ROR2: variants seen among roughly 807,000 people sequenced by gnomAD.
ROR2 encodes the protein ROR family WNT receptor 2.
A neutral mutation model predicts 74.9 loss-of-function variants in ROR2; 33 were observed. The observed-to-expected ratio is 0.44, with a 90% CI of 0.33 to 0.59. ROR2 has a LOEUF of 0.59. Among genes scored for constraint, ROR2 ranks in the 20% least tolerant of loss-of-function variants. The pLI, the probability that ROR2 is intolerant of heterozygous loss-of-function variation, is 0.02. For synonymous variants in ROR2, 586 were observed against 558.7 expected (o/e 1.05, Z -0.69); for missense variants, 1,216 against 1,313.8 (o/e 0.93, Z 1.15).
chr9:91,747,996 C>T (rs747518829), intron 4 of ROR2, among the ~76,000 whole-genome samples: 5 of 152,134 alleles, frequency 3.3e-5, no homozygotes, highest in African/African-American at 1.2e-4. Flanking sequence ...GTCAAGAGAT[C>T]GGTTTTACAA....
chr9:91,864,198 A>C (rs893993739), intron 1 of ROR2, among the ~76,000 whole-genome samples: 1 of 152,198 alleles, frequency 6.6e-6, no homozygotes, highest in African/African-American at 2.4e-5. Flanking sequence ...TCGACAGGAA[A>C]GGCCCCAGGA....
chr9:91,867,438 GTT>G, intron 1 of ROR2, among the ~76,000 whole-genome samples: 1 of 152,248 alleles, frequency 6.6e-6, no homozygotes, highest in Admixed American at 6.5e-5. Context: ...CTCCATTGCT[GTT>G]TTTTCTCTCT....
chr9:91,901,824 T>C (rs1830685036), intron 1 of ROR2, among the ~76,000 whole-genome samples: 1 of 148,074 alleles, frequency 6.8e-6, no homozygotes, highest in Admixed American at 6.7e-5. Flanking sequence ...AAGAGTGCTC[T>C]GAAAAAAAAA....
chr9:91,866,234 C>T (rs951564324), intron 1 of ROR2, among the ~76,000 whole-genome samples: 4 of 151,994 alleles, frequency 2.6e-5, no homozygotes, highest in African/African-American at 4.8e-5. Context: ...ATTCTCCTGC[C>T]TCAGTCTCCT....
chr9:91,926,543 C>CAAAAA (rs34550588), intron 1 of ROR2, among the ~76,000 whole-genome samples: 2 of 101,168 alleles, frequency 2.0e-5, no homozygotes, highest in Non-Finnish European at 4.2e-5. Flanking sequence ...GACTCCATCT[C>CAAAAA]AAAAAAAAAA....
chr9:91,828,620 G>A (rs1283521838), intron 1 of ROR2, among the ~76,000 whole-genome samples: 1 of 152,094 alleles, frequency 6.6e-6, no homozygotes, highest in Admixed American at 6.6e-5. Context: ...AGGCTGAGGA[G>A]GGAGAATCAC....
intron 4 of ROR2, among the ~76,000 whole-genome samples, chr9:91,749,046 A>C (rs1825525029): frequency 6.6e-6 from 1 of 152,168 alleles, no homozygotes; most frequent in African/African-American, 2.4e-5. Context: ...GAAAGAAAAA[A>C]AATAAAAGCA....
intron 4 of ROR2, among the ~76,000 whole-genome samples, chr9:91,741,772 C>G (rs1587675257): frequency 6.6e-6 from 1 of 152,138 alleles, no homozygotes; most frequent in East Asian, 1.9e-4. Context: ...CAGAGCAGAC[C>G]AGCCACATTC....
intron 1 of ROR2, among the ~76,000 whole-genome samples, chr9:91,790,933 T>C (rs1587721766): frequency 1.3e-5 from 2 of 152,344 alleles, no homozygotes; most frequent in East Asian, 3.9e-4. Flanking sequence ...TGTGCATGTG[T>C]TAGTGCTTTA....
At chr9:91,851,655 T>C (rs1049406568) in intron 1 of ROR2, among the ~76,000 whole-genome samples, 3 of 152,098 alleles carry the variant, frequency 2.0e-5, no homozygotes, top group African/African-American at 7.2e-5. Context: ...AGAACAGATA[T>C]CGTTACAATA....
chr9:91,810,748 G>C (rs565861998), intron 1 of ROR2, among the ~76,000 whole-genome samples: 1 of 152,200 alleles, frequency 6.6e-6, no homozygotes, highest in South Asian at 2.1e-4. Context: ...AGGTGTGGCC[G>C]GAACAGGAGG....
chr9:91,775,120 T>C (rs891886157), intron 2 of ROR2, among the ~76,000 whole-genome samples: 2 of 152,176 alleles, frequency 1.3e-5, no homozygotes. Context: ...CTAGGAAGTG[T>C]GTGTGTTGTT....
chr9:91,848,064 GAT>G (rs1221439916), intron 1 of ROR2, among the ~76,000 whole-genome samples: 2 of 152,198 alleles, frequency 1.3e-5, no homozygotes, highest in Non-Finnish European at 2.9e-5. Flanking sequence ...CAAAACCAAG[GAT>G]ACTCGAGTCT....
intron 1 of ROR2, among the ~76,000 whole-genome samples, chr9:91,863,258 T>A (rs1278628455): frequency 6.6e-6 from 1 of 152,202 alleles, no homozygotes; most frequent in Admixed American, 6.5e-5. Context: ...ACTCCTGGCC[T>A]CAAGTGATCC....
At chr9:91,887,263 AG>A (rs1767435684) in intron 1 of ROR2, 1 of 152,264 alleles carries the variant, frequency 6.6e-6, no homozygotes, top group South Asian at 2.1e-4. Flanking sequence ...ATTCCAAAAA[AG>A]TGAATGAACA....
chr9:91,786,158 C>CA (rs35972600), intron 1 of ROR2, among the ~76,000 whole-genome samples: 11,195 of 56,512 alleles, frequency 0.2, 1,535 homozygotes, highest in South Asian at 0.36. Context: ...CTGTTTCTAC[C>CA]AAAAAAAAAA....
chr9:91,808,109 GA>G (rs59484238), intron 1 of ROR2, among the ~76,000 whole-genome samples: 19,932 of 149,292 alleles, frequency 0.13, 2,421 homozygotes, highest in East Asian at 0.31. Context: ...AATGCTTTAG[GA>G]AAAAAAAAAG....
intron 1 of ROR2, among the ~76,000 whole-genome samples, chr9:91,861,960 G>C (rs1829480942): frequency 6.6e-6 from 1 of 152,154 alleles, no homozygotes; most frequent in Non-Finnish European, 1.5e-5. Flanking sequence ...ATGGGGCTTT[G>C]TGGAAGTCAT....
rs868707671 is a variant in ROR2 at position 91,726,562 on chromosome 9, G to A, written c.1365C>T (p.Pro455=). 1.2e-6 allele frequency: 2 copies of A among 1,612,630 alleles called. No homozygotes were observed. The highest frequency in any genetic ancestry group is 1.7e-6 in the Non-Finnish European group (2 of 1,180,012). ...MASPSQDMEM[P]LINQHKQAKL... Reference sequence around the variant, plus strand: ...AGACCTGTTTGTGCTGGTTAATGAGGGGCATTTCCATGTCTTGGCTGGGCG... The same window carrying A: ...AGACCTGTTTGTGCTGGTTAATGAGAGGCATTTCCATGTCTTGGCTGGGCG... The change falls in exon 8 of 9, where the codon CCC becomes CCT. Residue 455 remains proline, a synonymous_variant. Transcript: ENST00000375708.
Sources: allele counts gnomAD v4.1 joint callset (sites outside exome capture counted in the v4.1 genomes callset), GRCh38; gene constraint gnomAD v4.1.1; transcripts MANE v1.5; gene names NCBI Gene and HGNC (gene_info 2026-07-23, HGNC 2026-07-21).